The following PTPRG variants were observed in gnomAD, a reference collection of about 807,000 sequenced individuals.
PTPRG encodes the protein receptor-type tyrosine-protein phosphatase gamma.
PTPRG carries 102 observed loss-of-function variants against 165.3 expected under a neutral mutation model. That is an observed-to-expected ratio of 0.62 (90% CI 0.53 to 0.73). PTPRG has a LOEUF of 0.73. PTPRG is among the 30% of genes least tolerant of loss of function. The pLI is 0.00. For synonymous variants in PTPRG, 675 were observed against 669.5 expected, an observed-to-expected ratio of 1.01 and a Z score of -0.13; for missense variants, 1,866 against 1,861.4, an observed-to-expected ratio of 1.00 and a Z score of -0.05.
chr3:61,600,952 T>C (rs1017783700), intron 1 of PTPRG, among the ~76,000 whole-genome samples: 1 of 152,202 alleles, frequency 6.6e-6, no homozygotes, highest in African/African-American at 2.4e-5. Flanking sequence ...ATAAAACAGA[T>C]TTTTAAAAAG....
At chr3:61,750,832 A>C (rs2033397679) in intron 2 of PTPRG, 1 of 152,184 alleles carries the variant, frequency 6.6e-6, no homozygotes, top group African/African-American at 2.4e-5. Context: ...TATACAAACC[A>C]TTCTTGCTTT....
intron 2 of PTPRG, among the ~76,000 whole-genome samples, chr3:61,967,959 T>C (rs1037524418): frequency 1.3e-5 from 2 of 152,174 alleles, no homozygotes; most frequent in African/African-American, 4.8e-5. Flanking sequence ...TGAGTAAGTT[T>C]AGATACAAAA....
At chr3:62,060,378 G>A (rs2106686917) in intron 4 of PTPRG, among the ~76,000 whole-genome samples, 1 of 152,242 alleles carries the variant, frequency 6.6e-6, no homozygotes, top group Non-Finnish European at 1.5e-5. Context: ...AGCAGTAATA[G>A]GTAAATAGAA....
intron 2 of PTPRG, among the ~76,000 whole-genome samples, chr3:61,808,381 G>A (rs544294378): frequency 5.3e-5 from 8 of 152,174 alleles, no homozygotes; most frequent in Admixed American, 3.3e-4. Context: ...AACTTTGTAC[G>A]TGGCACTCAC....
At chr3:61,941,351 A>G (rs13098020) in intron 2 of PTPRG, among the ~76,000 whole-genome samples, 116,014 of 152,176 alleles carry the variant, frequency 0.76, 44,478 homozygotes, top group Middle Eastern at 0.84. Flanking sequence ...TAGGCCAGGC[A>G]TGGTGGCTCA....
chr3:61,809,971 T>C (rs566198609), intron 2 of PTPRG, among the ~76,000 whole-genome samples: 5 of 152,184 alleles, frequency 3.3e-5, no homozygotes, highest in Non-Finnish European at 5.9e-5. Flanking sequence ...AGGTGTGTTC[T>C]TGGAATTGTG....
intron 1 of PTPRG, among the ~76,000 whole-genome samples, chr3:61,707,905 C>A (rs1481190251): frequency 6.6e-6 from 1 of 152,172 alleles, no homozygotes; most frequent in Non-Finnish European, 1.5e-5. Flanking sequence ...TCTTCTCCCT[C>A]AGCCTCCCGA....
In PTPRG at chr3:61,825,212, T is replaced by C. The variant is rs570027225; in HGVS notation, c.190+76230T>C. ...AGAATTCAGTAATTCTGCACATTCA[T>C]GTGTCTCAACACTTTTAGGGATTAC... On this transcript the variant is annotated intron_variant, in intron 2 of 29. Coordinates refer to ENST00000474889, the MANE Select transcript of PTPRG (RefSeq NM_002841.4). Among the ~76,000 whole-genome samples, 24 of 152,360 alleles carry C rather than the reference T, an allele frequency of 1.6e-4. No homozygotes were observed. The South Asian group carries it at 3.9e-3, about 25-fold the overall frequency.
intron 25 of PTPRG, 142 bp downstream of exon 25, chr3:62,277,190 A>G (rs1702259005): frequency 1.4e-6 from 1 of 710,336 alleles, no homozygotes; most frequent in Non-Finnish European, 2.3e-6. Context: ...CTGTATCTTG[A>G]AACTTTTAAC....
intron 2 of PTPRG, among the ~76,000 whole-genome samples, chr3:61,945,380 T>A (rs1283594263): frequency 6.6e-6 from 1 of 151,632 alleles, no homozygotes. Flanking sequence ...GCCAACATGG[T>A]CAAACCCTTT....
chr3:61,789,039 CAA>C (rs1389041504), intron 2 of PTPRG, among the ~76,000 whole-genome samples: 1 of 152,110 alleles, frequency 6.6e-6, no homozygotes, highest in Non-Finnish European at 1.5e-5. Context: ...TTTAATTTAA[CAA>C]TCATTACTGA....
At chr3:62,051,620 T>C (rs1014475538) in intron 4 of PTPRG, among the ~76,000 whole-genome samples, 1 of 152,198 alleles carries the variant, frequency 6.6e-6, no homozygotes, top group Non-Finnish European at 1.5e-5. Flanking sequence ...ACATTTTCTT[T>C]AATCTACCCA....
intron 2 of PTPRG, among the ~76,000 whole-genome samples, chr3:61,966,674 T>G (rs575866660): frequency 6.6e-6 from 1 of 152,300 alleles, no homozygotes; most frequent in South Asian, 2.1e-4. Flanking sequence ...GCTGGGTGTT[T>G]ATTATATGCC....
At chr3:62,093,287 GT>G (rs1394057455) in intron 5 of PTPRG, among the ~76,000 whole-genome samples, 11 of 152,132 alleles carry the variant, frequency 7.2e-5, no homozygotes, top group Non-Finnish European at 1.2e-4. Flanking sequence ...GGGGACTCTA[GT>G]TTTCTTAAAG....
intron 5 of PTPRG, among the ~76,000 whole-genome samples, chr3:62,125,378 G>A (rs1056252217): frequency 6.6e-6 from 1 of 152,076 alleles, no homozygotes; most frequent in Non-Finnish European, 1.5e-5. Flanking sequence ...TCTGGATTTC[G>A]AGCCTTTTGT....
chr3:61,885,732 A>G (rs1381153014), intron 2 of PTPRG, among the ~76,000 whole-genome samples: 2 of 33,154 alleles, frequency 6.0e-5, no homozygotes, highest in Admixed American at 4.5e-4. Flanking sequence ...CACCCAGACT[A>G]CAGTGCAGTG....
intron 8 of PTPRG, among the ~76,000 whole-genome samples, chr3:62,185,755 G>T (rs997496330): frequency 6.6e-6 from 1 of 152,144 alleles, no homozygotes; most frequent in Non-Finnish European, 1.5e-5. Flanking sequence ...GTGTGTCCAC[G>T]TACTTGCCAT....
chr3:61,621,535 A>G (rs1701456962), intron 1 of PTPRG, among the ~76,000 whole-genome samples: 2 of 152,156 alleles, frequency 1.3e-5, no homozygotes. Context: ...GATTCATCTC[A>G]GCAATTTTGT....
At chr3:62,088,903 C>G (rs185470678) in intron 5 of PTPRG, among the ~76,000 whole-genome samples, 1 of 152,308 alleles carries the variant, frequency 6.6e-6, no homozygotes, top group East Asian at 1.9e-4. Flanking sequence ...ACTGTTGTCT[C>G]TTGCGAAATC....
Sources: gnomAD v4.1 joint callset for allele counts (sites outside exome capture counted in the v4.1 genomes callset) on GRCh38, gnomAD v4.1.1 for gene constraint, MANE v1.5 for transcripts, NCBI Gene and HGNC (gene_info 2026-07-23, HGNC 2026-07-21) for gene names.